RAB28: variants seen among roughly 807,000 people sequenced by gnomAD.
RAB28 encodes ras-related protein Rab-28.
A neutral mutation model predicts 31.7 loss-of-function variants in RAB28; 24 were observed. The observed-to-expected ratio is 0.76, with a 90% CI of 0.55 to 1.06. The LOEUF (loss-of-function observed/expected upper bound fraction) is 1.06. Ranked by LOEUF, RAB28 falls within the 50% of genes least tolerant of loss-of-function variation. RAB28 has a pLI of 0.00. For missense variants in RAB28, 254 were observed against 258.5 expected, an observed-to-expected ratio of 0.98 and a Z score of 0.12; for synonymous variants, 100 against 90.4, an observed-to-expected ratio of 1.11 and a Z score of -0.60.
intron 5 of RAB28, among the ~76,000 whole-genome samples, chr4:13,379,031 C>A (rs1481273994): frequency 6.6e-6 from 1 of 151,084 alleles, no homozygotes. Flanking sequence ...GATGGTGAAA[C>A]CCCATCTCTA....
intron 3 of RAB28, among the ~76,000 whole-genome samples, chr4:13,468,467 T>C (rs1415896822): frequency 1.3e-5 from 2 of 151,690 alleles, no homozygotes; most frequent in African/African-American, 4.8e-5. Context: ...AACAACATAT[T>C]CTAAATAACA....
At chr4:13,420,996 T>C (rs1254907254) in intron 4 of RAB28, among the ~76,000 whole-genome samples, 1 of 152,124 alleles carries the variant, frequency 6.6e-6, no homozygotes, top group East Asian at 1.9e-4. Context: ...GATTGTATAT[T>C]TAGAAAACCC....
intron 6 of RAB28, chr4:13,371,875 GAA>G (rs751364019): frequency 4.6e-6 from 7 of 1,533,572 alleles, no homozygotes; most frequent in Non-Finnish European, 6.2e-6. Flanking sequence ...GCCCTAAGAG[GAA>G]AAGAGTTATA....
At chr4:13,475,417 GA>G (rs764946751) in intron 2 of RAB28, among the ~76,000 whole-genome samples, 5 of 151,362 alleles carry the variant, frequency 3.3e-5, no homozygotes, top group Non-Finnish European at 5.9e-5. Flanking sequence ...ATTAGAAACT[GA>G]AAAATGATCT....
chr4:13,447,965 T>G (rs1399010904), intron 4 of RAB28, among the ~76,000 whole-genome samples: 1 of 152,124 alleles, frequency 6.6e-6, no homozygotes, highest in African/African-American at 2.4e-5. Flanking sequence ...GTCATCAAAT[T>G]TTAGGAGTCA....
chr4:13,393,070 G>C (rs775816061), intron 4 of RAB28, among the ~76,000 whole-genome samples: 1 of 152,164 alleles, frequency 6.6e-6, no homozygotes, highest in Non-Finnish European at 1.5e-5. Flanking sequence ...AATTTATGTA[G>C]TGCTAAAAGC....
chr4:13,430,889 C>A (rs1159842661), intron 4 of RAB28, among the ~76,000 whole-genome samples: 1 of 152,142 alleles, frequency 6.6e-6, no homozygotes, highest in Non-Finnish European at 1.5e-5. Context: ...ACAAAGGAAA[C>A]GGGTGCAGCA....
At position 13,474,630 on chromosome 4, in the gene RAB28, A is replaced by G. The variant is rs546390495; in HGVS notation, c.173-224T>C. Among the ~76,000 whole-genome samples, 12 of 151,728 alleles carry G rather than the reference A, an allele frequency of 7.9e-5. No homozygotes were observed. In the East Asian group the frequency reaches 2.3e-3, roughly 29 times the overall value. The stretch of plus-strand genomic sequence containing the variant: ...CTTTTTACTCCATTTCCATGGAACC[A>G]TATTTACAATCACCTTCAAAACAAA... On this transcript the variant is annotated intron_variant, in intron 2 of 6. Transcript: ENST00000330852.
intron 4 of RAB28, among the ~76,000 whole-genome samples, chr4:13,386,613 T>C (rs1227460693): frequency 6.6e-6 from 1 of 152,032 alleles, no homozygotes; most frequent in African/African-American, 2.4e-5. Context: ...GCTGGCAAGA[T>C]TGCAGACAAA....
intron 4 of RAB28, among the ~76,000 whole-genome samples, chr4:13,458,668 G>T (rs1244391512): frequency 6.6e-6 from 1 of 152,134 alleles, no homozygotes; most frequent in Non-Finnish European, 1.5e-5. Flanking sequence ...TATGATGGTG[G>T]TCCCATAAGA....
chr4:13,464,620 A>G (rs1457554073), intron 3 of RAB28, among the ~76,000 whole-genome samples: 1 of 152,124 alleles, frequency 6.6e-6, no homozygotes, highest in Admixed American at 6.6e-5. Context: ...GGAGACACCA[A>G]AAAAGACTGT....
chr4:13,375,559 C>T (rs573459257), intron 6 of RAB28, among the ~76,000 whole-genome samples: 2 of 152,228 alleles, frequency 1.3e-5, no homozygotes, highest in East Asian at 3.9e-4. Flanking sequence ...AGGCCCAAAA[C>T]AAGTAACCAC....
In RAB28 at chr4:13,458,439, A is replaced by C. The variant is rs1241486138; in HGVS notation, c.391+2260T>G. 3.3e-5 allele frequency among the ~76,000 whole-genome samples: 5 copies of C among 151,986 alleles called. No individual in the cohort carries two copies. The South Asian group carries it at 8.3e-4, about 25-fold the overall frequency. On this transcript the variant is annotated intron_variant, in intron 4 of 6. Transcript: ENST00000330852. ...AAAAAAATGTACTACATTTTTAAAGACCTTTGGAAAAGATAATTCTCTTGG... is the reference window on the plus strand; with the variant it reads ...AAAAAAATGTACTACATTTTTAAAGCCCTTTGGAAAAGATAATTCTCTTGG...
intron 3 of RAB28, among the ~76,000 whole-genome samples, chr4:13,471,679 C>T (rs781763654): frequency 4.0e-5 from 6 of 151,896 alleles, no homozygotes; most frequent in Non-Finnish European, 8.8e-5. Context: ...CTATTTTTGA[C>T]AATTCATTTC....
intron 2 of RAB28, among the ~76,000 whole-genome samples, chr4:13,478,149 T>C (rs541375382): frequency 1.3e-3 from 202 of 151,736 alleles, no homozygotes; most frequent in African/African-American, 4.6e-3. Flanking sequence ...TGTATTCAGC[T>C]AGTGACTGCT....
intron 4 of RAB28, among the ~76,000 whole-genome samples, chr4:13,416,767 C>T (rs540379266): frequency 1.3e-5 from 2 of 152,114 alleles, no homozygotes; most frequent in Non-Finnish European, 2.9e-5. Context: ...ACGAAGATTC[C>T]ATTCCAAGAT....
At chr4:13,460,857 T>G (rs774717939) in intron 3 of RAB28, 29 bp from the exon 4 acceptor site, 2 of 1,597,046 alleles carry the variant, frequency 1.3e-6, no homozygotes, top group South Asian at 2.2e-5. Context: ...AAAATATCTG[T>G]AATGTATTAT....
chr4:13,400,230 CTTTA>C (rs1246392771), intron 4 of RAB28, among the ~76,000 whole-genome samples: 1 of 152,132 alleles, frequency 6.6e-6, no homozygotes, highest in Non-Finnish European at 1.5e-5. Context: ...TCCCTATTGT[CTTTA>C]TAAAAGCTGT....
intron 4 of RAB28, among the ~76,000 whole-genome samples, chr4:13,454,784 G>A (rs1715204233): frequency 6.6e-6 from 1 of 152,150 alleles, no homozygotes; most frequent in Non-Finnish European, 1.5e-5. Flanking sequence ...GGGCATAAGT[G>A]CACAGCTGCT....
Sources: gnomAD v4.1 joint callset for allele counts (sites outside exome capture counted in the v4.1 genomes callset) on GRCh38, gnomAD v4.1.1 for gene constraint, MANE v1.5 for transcripts, NCBI Gene and HGNC (gene_info 2026-07-23, HGNC 2026-07-21) for gene names.